Variants in WNT7B observed in about 807,000 individuals in gnomAD.
The protein encoded by WNT7B is protein Wnt-7b.
A neutral mutation model predicts 38.2 loss-of-function variants in WNT7B; 19 were observed. The ratio of observed to expected loss-of-function variants is 0.50; its 90% CI spans 0.35 to 0.73. The LOEUF is 0.73. Ranked by LOEUF, WNT7B falls within the 30% of genes least tolerant of loss-of-function variation. The probability of loss-of-function intolerance (pLI) is 0.01; values close to 1 mark genes in which losing one functional copy is unlikely to be tolerated. For missense variants in WNT7B, 423 were observed against 507.9 expected (o/e 0.83, Z 1.61); for synonymous variants, 243 against 209.3 (o/e 1.16, Z -1.39).
At chr22:45,962,817 C>T (rs1398043324) in intron 1 of WNT7B, among the ~76,000 whole-genome samples, 3 of 152,242 alleles carry the variant, frequency 2.0e-5, no homozygotes, top group Admixed American at 2.0e-4. Context: ...GCCTTGCAGG[C>T]CTGGGTGACC....
intron 3 of WNT7B, among the ~76,000 whole-genome samples, chr22:45,924,773 G>A (rs2146703134): frequency 6.7e-6 from 1 of 150,320 alleles, no homozygotes; most frequent in East Asian, 2.0e-4. Context: ...GCAGGTGGGT[G>A]CCGGGGGACC....
chr22:45,954,505 C>T (rs1035066101), intron 1 of WNT7B, among the ~76,000 whole-genome samples: 3 of 152,310 alleles, frequency 2.0e-5, no homozygotes, highest in Admixed American at 2.0e-4. Flanking sequence ...GAAGGGGATG[C>T]GAGAGGCCCA....
chr22:45,936,356 T>G (rs1601722631), intron 2 of WNT7B, among the ~76,000 whole-genome samples: 1 of 152,132 alleles, frequency 6.6e-6, no homozygotes, highest in Non-Finnish European at 1.5e-5. Flanking sequence ...CGGCTACGGG[T>G]GGACCAGACA....
chr22:45,953,448 G>A (rs545360759), intron 1 of WNT7B, among the ~76,000 whole-genome samples: 7 of 152,232 alleles, frequency 4.6e-5, no homozygotes, highest in Non-Finnish European at 8.8e-5. Context: ...CCGGGCTGCC[G>A]GGTGTGGCCA....
chr22:45,969,743 G>A (rs1352681050), intron 1 of WNT7B, among the ~76,000 whole-genome samples: 2 of 152,242 alleles, frequency 1.3e-5, no homozygotes, highest in Non-Finnish European at 2.9e-5. Flanking sequence ...CCAGATGAAA[G>A]GGGGAGGATC....
At chr22:45,969,186 C>T (rs1411937962) in intron 1 of WNT7B, among the ~76,000 whole-genome samples, 1 of 152,222 alleles carries the variant, frequency 6.6e-6, no homozygotes, top group African/African-American at 2.4e-5. Context: ...CCTGGCCTGG[C>T]GGGGCCGTGG....
intron 3 of WNT7B, chr22:45,927,562 G>T: frequency 7.7e-7 from 1 of 1,304,938 alleles, no homozygotes. Flanking sequence ...ACCCTGGGTT[G>T]TCCAAGTAGG....
rs73446562 is a variant in WNT7B, at chr22:45,963,319, C to T, written c.72-13173G>A. On this transcript the variant is annotated intron_variant, in intron 1 of 3. Transcript: ENST00000339464. ...ATGCTCCCTCCAAGAATTCCTAGGCCGCCACCGCCTCCTAGCCAACTGCTC... is the reference window on the plus strand; with the variant it reads ...ATGCTCCCTCCAAGAATTCCTAGGCTGCCACCGCCTCCTAGCCAACTGCTC... Among the ~76,000 whole-genome samples the T allele has an allele frequency of 9.6e-3, 1,456 of 152,240 alleles. 18 individuals carry two copies. The highest frequency in any genetic ancestry group is 0.033 in the African/African-American group (1,385 of 41,536).
chr22:45,956,968 T>C lies in WNT7B; in HGVS notation c.72-6822A>G, dbSNP rs1569121981. Among the ~76,000 whole-genome samples the C allele has an allele frequency of 3.3e-5, 5 of 152,096 alleles. No individual in the cohort carries two copies. The South Asian group carries it at 1.0e-3, about 32-fold the overall frequency. On this transcript the variant is annotated intron_variant, in intron 1 of 3. Transcript: ENST00000339464. ...TAAAAATACAAAAATTAGCTGGGCGTGGTGGCGTGTGCCTGTAGTCCCAGC... is the reference window on the plus strand; with the variant it reads ...TAAAAATACAAAAATTAGCTGGGCGCGGTGGCGTGTGCCTGTAGTCCCAGC...
intron 3 of WNT7B, among the ~76,000 whole-genome samples, chr22:45,928,868 A>G (rs202088941): frequency 0.23 from 35,077 of 151,932 alleles, 4,269 homozygotes; most frequent in Admixed American, 0.34. Flanking sequence ...GCATACCACG[A>G]CATACCACGA....
intron 3 of WNT7B, chr22:45,927,030 C>T (rs1412941796): frequency 4.1e-6 from 4 of 985,332 alleles, no homozygotes; most frequent in Admixed American, 6.1e-5. Context: ...AGCTTCTAAC[C>T]TCATGTCACC....
chr22:45,950,191 C>A, intron 1 of WNT7B, 45 bp from the exon 2 acceptor site: 1 of 1,532,518 alleles, frequency 6.5e-7, no homozygotes, highest in African/African-American at 1.4e-5. Context: ...CGGCGGCCAG[C>A]GCCCCTCCTC....
rs1263666867 is a variant in WNT7B at position 45,927,459 on chromosome 22, C to T, written c.570+3639G>A. ...GCTAGGGGAACGGCATAGCAACCCC[C>T]CAAATTCATGTCTGCTCAGAGCCTC... On this transcript the variant is annotated intron_variant, in intron 3 of 3. Transcript: ENST00000339464. 14 of 1,549,322 alleles carry T rather than the reference C, an allele frequency of 9.0e-6. No homozygotes were observed. The East Asian group carries it at 2.7e-4, about 30-fold the overall frequency.
intron 1 of WNT7B, chr22:45,972,377 C>A: frequency 3.1e-6 from 1 of 322,786 alleles, no homozygotes; most frequent in Non-Finnish European, 5.6e-6. Flanking sequence ...TGGGCCCGGG[C>A]GCAGTTGTCG....
intron 1 of WNT7B, among the ~76,000 whole-genome samples, chr22:45,967,883 G>T (rs1932347720): frequency 1.3e-5 from 2 of 152,234 alleles, no homozygotes; most frequent in African/African-American, 4.8e-5. Context: ...CTGCTGGCTG[G>T]AGCCTGAGGC....
At position 45,944,823 on chromosome 22, in the gene WNT7B, G is replaced by A. The variant is rs190749957; in HGVS notation, c.298+5097C>T. Among the ~76,000 whole-genome samples, 335 of 152,240 alleles carry A rather than the reference G, an allele frequency of 2.2e-3. 2 individuals carry two copies. The highest frequency in any genetic ancestry group is 7.8e-3 in the African/African-American group (326 of 41,560). On this transcript the variant is annotated intron_variant, in intron 2 of 3. Transcript: ENST00000339464. Reference sequence around the variant, plus strand: ...AAGGTGGCTGCCCTCCCACCCCCGCGCTGACTGTCCTCCGAAAACGGCTGC... The same window carrying A: ...AAGGTGGCTGCCCTCCCACCCCCGCACTGACTGTCCTCCGAAAACGGCTGC...
chr22:45,923,602 G>C (rs972198764), intron 3 of WNT7B, among the ~76,000 whole-genome samples: 5 of 152,222 alleles, frequency 3.3e-5, no homozygotes, highest in African/African-American at 1.2e-4. Flanking sequence ...TTTATTGAAG[G>C]TGCTTTGTTA....
Position 45,921,563 on chromosome 22 carries a change from T to A in WNT7B, c.*1293A>T, listed in dbSNP as rs1412491254. 6.6e-6 allele frequency: 1 copy of A among 152,154 alleles called. No individual in the cohort carries two copies. Among genetic ancestry groups the A allele is most frequent in the African/African-American group, 2.4e-5 (1 of 41,412 alleles). The allele number at this position is 152,154 out of a possible 1,614,324, so 9.4% of individuals were successfully genotyped here. On this transcript the variant is annotated 3_prime_UTR_variant, in exon 4 of 4. Coordinates refer to ENST00000339464, the MANE Select transcript of WNT7B (RefSeq NM_058238.3). ...CTCTGGGCCTCAGAGTTCCCATCTG[T>A]CAAGTGGGACAAACATCCCTGACCA...
At chr22:45,959,690 G>A (rs188141359) in intron 1 of WNT7B, among the ~76,000 whole-genome samples, 2 of 152,190 alleles carry the variant, frequency 1.3e-5, no homozygotes, top group East Asian at 3.9e-4. Context: ...TCCCACCTGG[G>A]TGGACCCCCG....
Sources: gnomAD v4.1 joint callset for allele counts (sites outside exome capture counted in the v4.1 genomes callset) on GRCh38, gnomAD v4.1.1 for gene constraint, MANE v1.5 for transcripts, NCBI Gene and HGNC (gene_info 2026-07-23, HGNC 2026-07-21) for gene names.